The following FAM83F variants were observed in gnomAD, a reference collection of about 807,000 sequenced individuals.
FAM83F encodes scaffolding CK1 anchoring protein F.
A neutral mutation model predicts 42.9 loss-of-function variants in FAM83F; 45 were observed. That is an observed-to-expected ratio of 1.05 (90% CI 0.83 to 1.35). The LOEUF (loss-of-function observed/expected upper bound fraction) is 1.35, where lower values mean the gene tolerates loss of function less well. Ranked by LOEUF, FAM83F falls within the 40% of genes most tolerant of loss-of-function variation. The pLI, the probability that FAM83F is intolerant of heterozygous loss-of-function variation, is 0.00. For missense variants in FAM83F, 617 were observed against 695.9 expected (o/e 0.89, Z 1.28); for synonymous variants, 306 against 298.3 (o/e 1.03, Z -0.27).
At chr22:40,025,692 G>A (rs1472483065) in intron 4 of FAM83F, among the ~76,000 whole-genome samples, 1 of 152,126 alleles carries the variant, frequency 6.6e-6, no homozygotes, top group African/African-American at 2.4e-5. Flanking sequence ...GACAGAGCGA[G>A]ACTCCATCTC....
Position 40,008,408 on chromosome 22 carries a change from G to C in FAM83F, c.490-10760G>C, listed in dbSNP as rs561315013. 2.2e-3 allele frequency among the ~76,000 whole-genome samples: 340 copies of C among 152,310 alleles called. 1 individual carries two copies. The highest frequency in any genetic ancestry group is 6.6e-3 in the African/African-American group (274 of 41,554). The stretch of plus-strand genomic sequence containing the variant: ...CTGCATTTACCCATCGCTCACAGCA[G>C]GACAAGTACCGCGCTGTTGCAGCAT... On this transcript the variant is annotated intron_variant, in intron 1 of 4. Coordinates refer to ENST00000333407, the MANE Select transcript of FAM83F (RefSeq NM_138435.4).
intron 1 of FAM83F, among the ~76,000 whole-genome samples, chr22:39,999,318 G>T (rs776347907): frequency 1.3e-5 from 2 of 152,174 alleles, no homozygotes; most frequent in African/African-American, 2.4e-5. Flanking sequence ...TTGCGCCCAG[G>T]CTCCCTTGTG....
intron 1 of FAM83F, among the ~76,000 whole-genome samples, chr22:40,015,688 G>A (rs186086187): frequency 2.2e-4 from 34 of 152,124 alleles, no homozygotes; most frequent in Non-Finnish European, 3.7e-4. Flanking sequence ...AAGGCTTCCC[G>A]TCCTTCACAG....
chr22:40,011,602 G>A (rs1006320068), intron 1 of FAM83F, among the ~76,000 whole-genome samples: 3 of 152,120 alleles, frequency 2.0e-5, no homozygotes, highest in African/African-American at 7.2e-5. Flanking sequence ...TTATTTACAT[G>A]AGTGGTATTA....
rs2067647581 is a variant in FAM83F at position 40,040,888 on chromosome 22, G to C, written c.*11323G>C. ...AATTCTTCATAGCTATGAGGGGCCA[G>C]TGCAAAGGGCGGAAGGAGTTCTTCT... On this transcript the variant is annotated 3_prime_UTR_variant, in exon 5 of 5. Coordinates refer to ENST00000333407, the MANE Select transcript of FAM83F (RefSeq NM_138435.4). 6.6e-6 allele frequency: 1 copy of C among 152,248 alleles called. No individual in the cohort carries two copies. The highest frequency in any genetic ancestry group is 6.5e-5 in the Admixed American group (1 of 15,288). 9.4% of individuals were successfully genotyped at this position (152,248 alleles called of 1,614,324 possible). A position where few individuals can be genotyped will look rare whatever the true frequency, so the allele number is the denominator to read the frequency against.
Position 40,037,664 on chromosome 22 carries a change from A to G in FAM83F, c.*8099A>G, listed in dbSNP as rs1269109511. The G allele has an allele frequency of 2.0e-5, 3 of 152,246 alleles. No homozygotes were observed. Among genetic ancestry groups the G allele is most frequent in the Admixed American group, 1.3e-4 (2 of 15,284 alleles). 9.4% of individuals were successfully genotyped at this position (152,246 alleles called of 1,614,324 possible). On this transcript the variant is annotated 3_prime_UTR_variant, in exon 5 of 5. Coordinates refer to ENST00000333407, the MANE Select transcript of FAM83F (RefSeq NM_138435.4). ...GTTCTCACCCATTTCATAAATGTAC[A>G]TAAGCACCCATCAGGTGCCAAGCCC...
chr22:40,024,166 A>G (rs193024352), intron 4 of FAM83F, among the ~76,000 whole-genome samples: 35 of 152,142 alleles, frequency 2.3e-4, no homozygotes, highest in African/African-American at 8.4e-4. Context: ...TGCCTGGCTA[A>G]TTTTTTAAAT....
Position 40,030,007 on chromosome 22 carries a change from A to G in FAM83F, c.*442A>G, listed in dbSNP as rs370494485. ...ACTCCCCACCCAAGAGATTGGTGGA[A>G]TAAAAGGGAAGAGGGCAGGGCCCTG... On this transcript the variant is annotated 3_prime_UTR_variant, in exon 5 of 5. Coordinates refer to ENST00000333407, the MANE Select transcript of FAM83F (RefSeq NM_138435.4). The G allele has an allele frequency of 1.6e-4, 27 of 167,874 alleles. No homozygotes were observed. The South Asian group carries it at 4.0e-3, about 25-fold the overall frequency. The allele number at this position is 167,874 out of a possible 1,614,324, so 10.4% of individuals were successfully genotyped here.
chr22:40,011,086 CCTTT>C (rs923371362), intron 1 of FAM83F, among the ~76,000 whole-genome samples: 1 of 152,228 alleles, frequency 6.6e-6, no homozygotes, highest in Non-Finnish European at 1.5e-5. Flanking sequence ...CCCTCCCACT[CCTTT>C]CTCCTTCCAC....
At chr22:40,022,282 C>T (rs1245452673) in intron 4 of FAM83F, among the ~76,000 whole-genome samples, 2 of 152,218 alleles carry the variant, frequency 1.3e-5, no homozygotes, top group Non-Finnish European at 2.9e-5. Flanking sequence ...TCAGATCAGC[C>T]CTCATGGTAA....
rs570343668 is a variant in FAM83F, at chr22:40,017,872, G to A, written c.490-1296G>A. ...AAACAGAGTCTCATTAAGGTTAAGT[G>A]ACTTGCCTAAGGTCACAACTAGGAA... is the stretch of plus-strand genomic sequence containing the variant. On this transcript the variant is annotated intron_variant, in intron 1 of 4. Transcript: ENST00000333407. Among the ~76,000 whole-genome samples the A allele has an allele frequency of 2.6e-5, 4 of 152,310 alleles. No individual in the cohort carries two copies. In the South Asian group the frequency reaches 8.3e-4, roughly 32 times the overall value.
chr22:39,999,548 G>T (rs2067387867), intron 1 of FAM83F, among the ~76,000 whole-genome samples: 1 of 152,142 alleles, frequency 6.6e-6, no homozygotes, highest in Non-Finnish European at 1.5e-5. Flanking sequence ...GCTGCGTAAG[G>T]CAGGGTCTTG....
intron 1 of FAM83F, among the ~76,000 whole-genome samples, chr22:40,002,635 C>G (rs745980348): frequency 2.6e-5 from 4 of 152,180 alleles, no homozygotes; most frequent in Non-Finnish European, 5.9e-5. Flanking sequence ...CATCTCTTTC[C>G]TAGCTCACTG....
rs71321181 is a variant in FAM83F at position 40,026,101 on chromosome 22, G to C, written c.1454-3415G>C. ...CAATGAGACCCCCAAGGTTCAGAGA[G>C]GCCAGGCCCTGTGTCCGTGGCTGCC... On this transcript the variant is annotated intron_variant, in intron 4 of 4. Coordinates refer to ENST00000333407, the MANE Select transcript of FAM83F (RefSeq NM_138435.4). 5.7e-3 allele frequency among the ~76,000 whole-genome samples: 870 copies of C among 152,320 alleles called. 2 individuals are homozygous for C. Among genetic ancestry groups the C allele is most frequent in the Non-Finnish European group, 8.7e-3 (595 of 68,028 alleles).
chr22:40,016,522 G>A (rs967318415), intron 1 of FAM83F, among the ~76,000 whole-genome samples: 1 of 151,768 alleles, frequency 6.6e-6, no homozygotes, highest in African/African-American at 2.4e-5. Context: ...TATGGAGTGT[G>A]TAGCATTTTA....
At chr22:40,002,450 A>G (rs2067407304) in intron 1 of FAM83F, among the ~76,000 whole-genome samples, 1 of 152,160 alleles carries the variant, frequency 6.6e-6, no homozygotes, top group South Asian at 2.1e-4. Flanking sequence ...TTTCCCAGAA[A>G]GTTCAAAAGT....
chr22:40,001,615 C>G (rs942651919), intron 1 of FAM83F, among the ~76,000 whole-genome samples: 1 of 151,886 alleles, frequency 6.6e-6, no homozygotes, highest in African/African-American at 2.4e-5. Flanking sequence ...CCACTGCACT[C>G]CAGCCTGGGT....
At position 40,019,350 on chromosome 22, in the gene FAM83F, T is replaced by C. The variant is rs752323180; in HGVS notation, c.657+15T>C. The C allele has an allele frequency of 8.1e-6, 13 of 1,611,640 alleles. No homozygotes were observed. In the African/African-American group the frequency reaches 9.3e-5, roughly 12 times the overall value. On this transcript the variant is annotated intron_variant, in intron 2 of 4. Coordinates refer to ENST00000333407, the MANE Select transcript of FAM83F (RefSeq NM_138435.4). ...TCCGGATTCGGGTAAGTTGCACCAC[T>C]GGGGTGGAAAGTGGACAGGAGATGA... is the stretch of plus-strand genomic sequence containing the variant.
At chr22:40,020,357 AT>A (rs552816341) in intron 3 of FAM83F, among the ~76,000 whole-genome samples, 233 of 116,390 alleles carry the variant, frequency 2.0e-3, no homozygotes, top group Admixed American at 2.2e-3. Context: ...TGTCGCCAGA[AT>A]TTTTTTTTTT....
Sources: gnomAD v4.1 joint callset for allele counts (sites outside exome capture counted in the v4.1 genomes callset) on GRCh38, gnomAD v4.1.1 for gene constraint, MANE v1.5 for transcripts, NCBI Gene and HGNC (gene_info 2026-07-23, HGNC 2026-07-21) for gene names.